MYO5B: variants seen among roughly 807,000 people sequenced by gnomAD.
The protein encoded by MYO5B is unconventional myosin-Vb.
In MYO5B, 143 loss-of-function variants were observed where a neutral mutation model predicts 229.3. That is an observed-to-expected ratio of 0.62 (90% CI 0.54 to 0.72). The LOEUF (loss-of-function observed/expected upper bound fraction) is 0.72. Among genes scored for constraint, MYO5B ranks in the 30% least tolerant of loss-of-function variants. The pLI, the probability that MYO5B is intolerant of heterozygous loss-of-function variation, is 0.00. For synonymous variants in MYO5B, 918 were observed against 885.2 expected (o/e 1.04, Z -0.66); for missense variants, 2,321 against 2,331.0 (o/e 1.00, Z 0.09).
At chr18:49,929,394 T>C (rs2025164052) in intron 17 of MYO5B, 118 bp downstream of exon 17, 1 of 792,904 alleles carries the variant, frequency 1.3e-6, no homozygotes, top group Admixed American at 2.6e-5. Context: ...CCTCAATGTT[T>C]GGGAACCGTT....
At chr18:50,074,621 T>C (rs2031035594) in intron 1 of MYO5B, among the ~76,000 whole-genome samples, 1 of 152,196 alleles carries the variant, frequency 6.6e-6, no homozygotes, top group African/African-American at 2.4e-5. Context: ...ACAAGGCTCT[T>C]GTCATGTAAA....
At chr18:50,151,861 G>C (rs2032604054) in intron 1 of MYO5B, among the ~76,000 whole-genome samples, 2 of 151,960 alleles carry the variant, frequency 1.3e-5, no homozygotes, top group Non-Finnish European at 2.9e-5. Flanking sequence ...TTGGGGGCAG[G>C]GTCCACCCCA....
At chr18:50,012,126 C>A (rs1207624939) in intron 4 of MYO5B, among the ~76,000 whole-genome samples, 1 of 152,206 alleles carries the variant, frequency 6.6e-6, no homozygotes, top group East Asian at 1.9e-4. Context: ...AGATCAAAAT[C>A]TCTGAGGGGT....
chr18:49,866,235 ATT>A (rs1388373185), intron 27 of MYO5B, among the ~76,000 whole-genome samples: 1 of 144,578 alleles, frequency 6.9e-6, no homozygotes. Flanking sequence ...CGCCTGGCTA[ATT>A]TTTTTTTTTT....
rs1428796126 is a variant in MYO5B at position 49,974,761 on chromosome 18, CCAGCCCAGCAGT to C, written c.1057-158_1057-147del. 8 of 449,888 alleles carry C rather than the reference CCAGCCCAGCAGT, an allele frequency of 1.8e-5. No homozygotes were observed. The African/African-American group carries it at 2.4e-4, about 13-fold the overall frequency. 27.9% of individuals were successfully genotyped at this position (449,888 alleles called of 1,614,324 possible). Reference sequence around the variant, plus strand: ...CAGAATCCCAGCACATGCCCTGCTGCCAGCCCAGCAGTCTCTCTCACACACACACACACACAG... The same window carrying C: ...CAGAATCCCAGCACATGCCCTGCTGCCTCTCTCACACACACACACACACAG... On this transcript the variant is annotated intron_variant, in intron 9 of 39. Coordinates refer to ENST00000285039, the MANE Select transcript of MYO5B (RefSeq NM_001080467.3).
chr18:50,147,240 C>G (rs2032517911), intron 1 of MYO5B, among the ~76,000 whole-genome samples: 1 of 152,176 alleles, frequency 6.6e-6, no homozygotes, highest in South Asian at 2.1e-4. Flanking sequence ...CTTCTTCCAA[C>G]TACCCAAGTC....
chr18:50,033,500 G>A (rs184815583), intron 4 of MYO5B, among the ~76,000 whole-genome samples: 46 of 152,252 alleles, frequency 3.0e-4, no homozygotes, highest in Middle Eastern at 6.8e-3. Flanking sequence ...TAAGAAGCAG[G>A]GTGAGGTCTT....
intron 1 of MYO5B, among the ~76,000 whole-genome samples, chr18:50,073,543 CCTT>C (rs965720885): frequency 3.3e-5 from 5 of 152,166 alleles, no homozygotes; most frequent in African/African-American, 7.2e-5. Context: ...TACCCCTGTC[CCTT>C]CTTCTGTGCA....
At chr18:49,921,278 T>C (rs866687734) in intron 17 of MYO5B, among the ~76,000 whole-genome samples, 165 of 128,596 alleles carry the variant, frequency 1.3e-3, no homozygotes, top group African/African-American at 4.6e-3. Flanking sequence ...TTTTTTTTTT[T>C]ATAATATCAA....
intron 10 of MYO5B, chr18:49,970,796 G>A (rs2025683190): frequency 6.6e-6 from 1 of 152,216 alleles, no homozygotes; most frequent in African/African-American, 2.4e-5. Context: ...TCAAGGGGAA[G>A]AAGCAGCAGT....
At chr18:50,049,891 T>A (rs574312418) in intron 2 of MYO5B, among the ~76,000 whole-genome samples, 1 of 152,272 alleles carries the variant, frequency 6.6e-6, no homozygotes, top group South Asian at 2.1e-4. Context: ...CAGACGGTGG[T>A]GATGGTCACA....
At chr18:49,878,794 C>A (rs190569960) in intron 24 of MYO5B, 151 bp downstream of exon 24, 608 of 948,148 alleles carry the variant, frequency 6.4e-4, no homozygotes, top group Non-Finnish European at 8.1e-4. Flanking sequence ...AGTCCAGCTA[C>A]CTTTGCCTCT....
At chr18:50,095,283 T>G (rs76534734) in intron 1 of MYO5B, among the ~76,000 whole-genome samples, 1,550 of 152,368 alleles carry the variant, frequency 0.01, 21 homozygotes, top group African/African-American at 0.035. Context: ...CCTTAGGAAC[T>G]GATGCTTTGG....
chr18:49,826,340 C>G lies in MYO5B; in HGVS notation c.*131G>C. ...GTGTCTAATTCTGTATAGTTCAGCA[C>G]CCTCCACAGGCTGTCAATCTCTGAT... On this transcript the variant is annotated 3_prime_UTR_variant, in exon 40 of 40. Transcript: ENST00000285039. The G allele has an allele frequency of 8.8e-7, 1 of 1,132,384 alleles. No individual in the cohort carries two copies. Among genetic ancestry groups the G allele is most frequent in the Non-Finnish European group, 1.3e-6 (1 of 776,328 alleles). 70.1% of individuals were successfully genotyped at this position (1,132,384 alleles called of 1,614,324 possible).
chr18:49,928,287 A>G (rs1394211702), intron 17 of MYO5B, among the ~76,000 whole-genome samples: 1 of 152,224 alleles, frequency 6.6e-6, no homozygotes, highest in East Asian at 1.9e-4. Flanking sequence ...TGCTGGTGGG[A>G]ATGTAAACTA....
intron 14 of MYO5B, among the ~76,000 whole-genome samples, chr18:49,946,601 T>A (rs988626034): frequency 2.0e-5 from 3 of 152,216 alleles, no homozygotes; most frequent in Non-Finnish European, 4.4e-5. Context: ...AGGGACTTTG[T>A]AACTTAAGAA....
At chr18:50,183,961 C>G (rs938276220) in intron 1 of MYO5B, among the ~76,000 whole-genome samples, 1 of 152,168 alleles carries the variant, frequency 6.6e-6, no homozygotes, top group Non-Finnish European at 1.5e-5. Flanking sequence ...CATTCTCCAC[C>G]ATGTTATGAC....
At chr18:50,034,857 A>C (rs547593996) in intron 4 of MYO5B, among the ~76,000 whole-genome samples, 2 of 152,344 alleles carry the variant, frequency 1.3e-5, no homozygotes, top group South Asian at 2.1e-4. Context: ...AAATTGCAGA[A>C]GAACTTCAGC....
intron 4 of MYO5B, among the ~76,000 whole-genome samples, chr18:50,035,687 G>A (rs1415826716): frequency 6.6e-6 from 1 of 152,230 alleles, no homozygotes; most frequent in African/African-American, 2.4e-5. Context: ...CCTGATAGCA[G>A]GTTAATATAG....
Sources: gnomAD v4.1 joint callset for allele counts (sites outside exome capture counted in the v4.1 genomes callset) on GRCh38, gnomAD v4.1.1 for gene constraint, MANE v1.5 for transcripts, NCBI Gene and HGNC (gene_info 2026-07-23, HGNC 2026-07-21) for gene names.